PDZD2: variants seen among roughly 807,000 people sequenced by gnomAD.
The protein encoded by PDZD2 is PDZ domain-containing protein 2.
In PDZD2, 90 loss-of-function variants were observed where a neutral mutation model predicts 220.7. The observed-to-expected ratio is 0.41, with a 90% CI of 0.34 to 0.49. The LOEUF (loss-of-function observed/expected upper bound fraction) is 0.49. Ranked by LOEUF, PDZD2 falls within the 20% of genes least tolerant of loss-of-function variation. The probability of loss-of-function intolerance (pLI) is 0.28; values close to 1 mark genes in which losing one functional copy is unlikely to be tolerated. For synonymous variants in PDZD2, 1,375 were observed against 1,450.5 expected, an observed-to-expected ratio of 0.95 and a Z score of 1.18; for missense variants, 3,174 against 3,608.5, an observed-to-expected ratio of 0.88 and a Z score of 3.08.
rs572193923 is a variant in PDZD2 at position 31,848,984 on chromosome 5, G to A, written c.476+49260G>A. On this transcript the variant is annotated intron_variant, in intron 2 of 24. Transcript: ENST00000438447. ...GAATGGCGTGAACCCAGGAGGTGGAGCTTGCAGTGAGCCGAGATCTTGCCA... is the reference window on the plus strand; with the variant it reads ...GAATGGCGTGAACCCAGGAGGTGGAACTTGCAGTGAGCCGAGATCTTGCCA... 6.4e-3 allele frequency among the ~76,000 whole-genome samples: 977 copies of A among 152,262 alleles called. 13 individuals are homozygous for A. The highest frequency in any genetic ancestry group is 0.022 in the African/African-American group (902 of 41,546).
chr5:31,648,696 A>T (rs1165559785), intron 1 of PDZD2, among the ~76,000 whole-genome samples: 2 of 151,226 alleles, frequency 1.3e-5, no homozygotes, highest in Non-Finnish European at 2.9e-5. Context: ...TTAATATAGC[A>T]ATTTTAGGTT....
chr5:31,670,947 CAG>C (rs1230541995), intron 1 of PDZD2, among the ~76,000 whole-genome samples: 2 of 152,090 alleles, frequency 1.3e-5, no homozygotes, highest in African/African-American at 4.8e-5. Context: ...CCCCTGGACT[CAG>C]GGTTACCTAT....
chr5:31,679,527 C>T (rs558756780), intron 1 of PDZD2, among the ~76,000 whole-genome samples: 13 of 152,146 alleles, frequency 8.5e-5, no homozygotes, highest in South Asian at 8.3e-4. Context: ...TATTTATTTT[C>T]GAGACAGGGT....
chr5:32,049,055 G>A (rs1738255786), intron 8 of PDZD2, among the ~76,000 whole-genome samples: 1 of 152,168 alleles, frequency 6.6e-6, no homozygotes, highest in Non-Finnish European at 1.5e-5. Context: ...ACATGTATGA[G>A]AGAGGGAGTG....
intron 8 of PDZD2, among the ~76,000 whole-genome samples, chr5:32,048,901 TCTC>T (rs1738242059): frequency 1.3e-5 from 2 of 152,192 alleles, no homozygotes; most frequent in Non-Finnish European, 2.9e-5. Context: ...AAAATGTTCA[TCTC>T]CTTCCTACTG....
At chr5:31,896,609 T>A (rs2150353735) in intron 2 of PDZD2, among the ~76,000 whole-genome samples, 1 of 152,184 alleles carries the variant, frequency 6.6e-6, no homozygotes, top group African/African-American at 2.4e-5. Flanking sequence ...CAAACAAGGG[T>A]TTCTGAGTCT....
chr5:31,979,238 G>A (rs1750058161), intron 2 of PDZD2, among the ~76,000 whole-genome samples: 1 of 152,122 alleles, frequency 6.6e-6, no homozygotes, highest in South Asian at 2.1e-4. Context: ...CAGGATGATC[G>A]TAAATGTTTC....
chr5:32,087,553 G>A lies in PDZD2; in HGVS notation c.4105G>A (p.Ala1369Thr). The A allele has an allele frequency of 1.2e-6, 2 of 1,613,876 alleles. No individual in the cohort carries two copies. Among genetic ancestry groups the A allele is most frequent in the Non-Finnish European group, 8.5e-7 (1 of 1,179,886 alleles). ...GGCTCTGGAAATGACAGGAATCCATGCACCTGAAAGCTCCCAGGAGCCTTC... is the reference window on the plus strand; with the variant it reads ...GGCTCTGGAAATGACAGGAATCCATACACCTGAAAGCTCCCAGGAGCCTTC... ...SKALEMTGIH[A>T]PESSQEPSLL... Residue 1369 changes from alanine to threonine, a missense_variant, in exon 20 of 25, where the codon GCA becomes ACA. This residue lies in a region of PDZD2 where 1,861 missense variants were observed against 2,001.0 expected (regional missense o/e 0.93). Coordinates refer to ENST00000438447, the MANE Select transcript of PDZD2 (RefSeq NM_178140.4). This position sits in a 1 kb window ranked among gnomAD's most constrained non-coding sequence, Gnocchi z 4.0.
intron 1 of PDZD2, among the ~76,000 whole-genome samples, chr5:31,686,961 C>A (rs1330332312): frequency 6.6e-6 from 1 of 152,158 alleles, no homozygotes; most frequent in Non-Finnish European, 1.5e-5. Context: ...TGCTCACCTG[C>A]CATGCGTGCA....
rs1437006073 is a variant in PDZD2, at chr5:31,983,135, C to A, written c.477-20C>A. 2 of 1,600,926 alleles carry A rather than the reference C, an allele frequency of 1.2e-6. No individual in the cohort carries two copies. Among genetic ancestry groups the A allele is most frequent in the East Asian group, 4.5e-5 (2 of 44,742 alleles). ...GAAGGGTGTGTGGGGTTCTAACTGG[C>A]ACCTCTCTGTCTGTTGCAGTTACCT... On this transcript the variant is annotated intron_variant, in intron 2 of 24. Transcript: ENST00000438447.
intron 10 of PDZD2, among the ~76,000 whole-genome samples, chr5:32,055,634 A>G (rs376999663): frequency 3.3e-5 from 5 of 152,202 alleles, no homozygotes; most frequent in East Asian, 1.9e-4. Context: ...GTTCAGTTCA[A>G]TTGACCTAAA....
At chr5:32,037,996 C>T (rs1438819885) in intron 7 of PDZD2, among the ~76,000 whole-genome samples, 1 of 151,334 alleles carries the variant, frequency 6.6e-6, no homozygotes, top group Non-Finnish European at 1.5e-5. Flanking sequence ...CGCCCGCCAC[C>T]GTGCCTGGCT....
intron 1 of PDZD2, among the ~76,000 whole-genome samples, chr5:31,652,817 C>T (rs1745401751): frequency 6.6e-6 from 1 of 152,112 alleles, no homozygotes; most frequent in South Asian, 2.1e-4. Context: ...TCGAGACCAG[C>T]CTGGCCAACA....
chr5:32,104,010 T>G (rs1744499929), intron 24 of PDZD2: 1 of 152,268 alleles, frequency 6.6e-6, no homozygotes. Context: ...GCGCTTTAGA[T>G]GCTCTCGTGT....
intron 1 of PDZD2, chr5:31,725,927 C>A: frequency 1.5e-6 from 1 of 678,324 alleles, no homozygotes; most frequent in South Asian, 1.7e-5. Flanking sequence ...CTCCAGCTGC[C>A]TGGGTCTCCA....
chr5:31,914,317 G>A, intron 2 of PDZD2, among the ~76,000 whole-genome samples: 1 of 152,336 alleles, frequency 6.6e-6, no homozygotes, highest in South Asian at 2.1e-4. Flanking sequence ...GGATCACGAG[G>A]TCAGGAGTTC....
chr5:32,062,676 G>C (rs1028914707), intron 14 of PDZD2, among the ~76,000 whole-genome samples: 1 of 152,286 alleles, frequency 6.6e-6, no homozygotes, highest in Middle Eastern at 3.4e-3. Flanking sequence ...TTATAGGCAC[G>C]AGCCACCGTG....
intron 6 of PDZD2, among the ~76,000 whole-genome samples, chr5:32,018,190 TC>T (rs1753919489): frequency 6.6e-6 from 1 of 152,190 alleles, no homozygotes; most frequent in African/African-American, 2.4e-5. Context: ...TGCATCCGGC[TC>T]ATGTGCACTC....
chr5:31,989,388 G>A (rs1033640371), intron 3 of PDZD2, among the ~76,000 whole-genome samples: 1 of 145,218 alleles, frequency 6.9e-6, no homozygotes, highest in Admixed American at 6.7e-5. Flanking sequence ...TATGGCTGAG[G>A]AGTATTCTGT....
Sources: gnomAD v4.1 joint callset for allele counts (sites outside exome capture counted in the v4.1 genomes callset) on GRCh38, gnomAD v4.1.1 for gene constraint, gnomAD v4.1.1 regional missense constraint, Gnocchi (gnomAD v3.1) non-coding constraint, MANE v1.5 for transcripts, NCBI Gene and HGNC (gene_info 2026-07-23, HGNC 2026-07-21) for gene names.